Variants in MTUS1 observed in about 807,000 individuals in gnomAD.
MTUS1 encodes microtubule associated scaffold protein 1.
MTUS1 carries 109 observed loss-of-function variants against 120.8 expected under a neutral mutation model. The observed-to-expected ratio is 0.90, with a 90% CI of 0.77 to 1.06. The LOEUF (loss-of-function observed/expected upper bound fraction) is 1.06, where lower values mean the gene tolerates loss of function less well. Among genes scored for constraint, MTUS1 ranks in the 50% least tolerant of loss-of-function variants. The probability of loss-of-function intolerance (pLI) is 0.00; values close to 1 mark genes in which losing one functional copy is unlikely to be tolerated. For missense variants in MTUS1, 2,210 were observed against 1,486.3 expected (o/e 1.49, Z -8.01); for synonymous variants, 737 against 550.5 (o/e 1.34, Z -4.74).
rs1249796027 is a variant in MTUS1 at position 17,742,280 on chromosome 8, TTGTTGTTG to T, written c.2287+1316_2287+1323del. On this transcript the variant is annotated intron_variant, in intron 3 of 14. Coordinates refer to ENST00000693296, the MANE Select transcript of MTUS1 (RefSeq NM_001363059.2). ...TCTCATGCCCAGCTGTTTTTTTTTT[TTGTTGTTG>T]TTGTTTTTTTTTTTTTTTTTTTTAG... Among the ~76,000 whole-genome samples, 22 of 110,998 alleles carry T rather than the reference TTGTTGTTG, an allele frequency of 2.0e-4. 1 individual carries two copies. Among genetic ancestry groups the T allele is most frequent in the African/African-American group, 6.6e-4 (17 of 25,700 alleles). 72.8% of individuals were successfully genotyped at this position (110,998 alleles called of 152,430 possible).
intron 1 of MTUS1, among the ~76,000 whole-genome samples, chr8:17,770,827 G>T (rs1019184135): frequency 5.3e-5 from 8 of 152,094 alleles, no homozygotes; most frequent in African/African-American, 1.9e-4. Flanking sequence ...CAATAAAACT[G>T]TAAACAAACA....
intron 1 of MTUS1, among the ~76,000 whole-genome samples, chr8:17,786,356 A>G (rs1038064213): frequency 1.3e-5 from 2 of 152,114 alleles, no homozygotes; most frequent in East Asian, 1.9e-4. Flanking sequence ...CCATGATGCT[A>G]AAACCTCCTC....
intron 6 of MTUS1, chr8:17,705,977 G>C (rs544744069): frequency 6.6e-6 from 1 of 152,104 alleles, no homozygotes; most frequent in South Asian, 2.1e-4. Context: ...AGTAAGCCAA[G>C]ATTTTTTTTA....
At chr8:17,747,280 T>C (rs1179237342) in intron 2 of MTUS1, among the ~76,000 whole-genome samples, 1 of 152,196 alleles carries the variant, frequency 6.6e-6, no homozygotes, top group Non-Finnish European at 1.5e-5. Context: ...TTTCTTCAGC[T>C]TTGTACTCTA....
chr8:17,718,720 T>C (rs532116533), intron 4 of MTUS1, among the ~76,000 whole-genome samples: 1 of 152,108 alleles, frequency 6.6e-6, no homozygotes, highest in East Asian at 1.9e-4. Context: ...CTGTCTCAAT[T>C]ATGCCAGAAT....
In MTUS1 at chr8:17,755,058, C is replaced by A. The variant is rs1365066459; in HGVS notation, c.750G>T (p.Val250=). The change falls in exon 2 of 15, where the codon GTG becomes GTT. Residue 250 remains valine, a synonymous_variant. Transcript: ENST00000693296. Reference sequence around the variant, plus strand: ...CTGAAACAAAAACCTCACTTTGCATCACCACATCAGAAAATGCTGTGTAAG... The same window carrying A: ...CTGAAACAAAAACCTCACTTTGCATAACCACATCAGAAAATGCTGTGTAAG... ...DMTYTAFSDV[V]MQSEVFVSDI... The A allele has an allele frequency of 1.2e-6, 2 of 1,613,656 alleles. No individual in the cohort carries two copies. The highest frequency in any genetic ancestry group is 1.3e-5 in the African/African-American group (1 of 74,932).
chr8:17,775,415 GTATC>G (rs1332814770), intron 1 of MTUS1, among the ~76,000 whole-genome samples: 4 of 152,034 alleles, frequency 2.6e-5, no homozygotes, highest in African/African-American at 9.7e-5. Flanking sequence ...TGCATCATGA[GTATC>G]TGAGACCTCA....
Position 17,753,938 on chromosome 8 carries a change from C to G in MTUS1, c.1870G>C (p.Ala624Pro). ...GCAGAAACGGACCCGGTCTCGCATGCTGAGTTAGAAGAACTGGCTTTGTCA... is the reference window on the plus strand; with the variant it reads ...GCAGAAACGGACCCGGTCTCGCATGGTGAGTTAGAAGAACTGGCTTTGTCA... ...DVDKASSSNSACETGSVSALF... is the reference protein window; with the variant it reads ...DVDKASSSNSPCETGSVSALF... Residue 624 changes from alanine (A) to proline (P), a missense_variant, in exon 2 of 15, where the codon GCA becomes CCA. By Grantham distance (27) the Ala-to-Pro change is conservative (BLOSUM62 -1). Coordinates refer to ENST00000693296, the MANE Select transcript of MTUS1 (RefSeq NM_001363059.2). 1 of 1,614,132 alleles carries G rather than the reference C, an allele frequency of 6.2e-7. No homozygotes were observed. The highest frequency in any genetic ancestry group is 8.5e-7 in the Non-Finnish European group (1 of 1,180,028).
At chr8:17,791,532 G>A (rs2051783524) in intron 1 of MTUS1, among the ~76,000 whole-genome samples, 1 of 152,128 alleles carries the variant, frequency 6.6e-6, no homozygotes, top group African/African-American at 2.4e-5. Context: ...ATAGCAAAGA[G>A]GCAACATAAT....
At chr8:17,659,123 G>A (rs1809114233) in intron 8 of MTUS1, among the ~76,000 whole-genome samples, 1 of 152,124 alleles carries the variant, frequency 6.6e-6, no homozygotes, top group African/African-American at 2.4e-5. Flanking sequence ...CACAGAGCTG[G>A]CAAGCGTGAG....
At chr8:17,787,250 G>C (rs2051382876) in intron 1 of MTUS1, among the ~76,000 whole-genome samples, 1 of 152,162 alleles carries the variant, frequency 6.6e-6, no homozygotes, top group Non-Finnish European at 1.5e-5. Context: ...CGACATCAGT[G>C]CACAGCTCTT....
chr8:17,661,990 C>A (rs903547755), intron 8 of MTUS1, among the ~76,000 whole-genome samples: 6 of 152,034 alleles, frequency 3.9e-5, no homozygotes, highest in African/African-American at 9.7e-5. Flanking sequence ...AAAGGATGCA[C>A]ATGTAAACGC....
intron 4 of MTUS1, among the ~76,000 whole-genome samples, chr8:17,719,882 G>A (rs904887080): frequency 1.3e-5 from 2 of 152,170 alleles, no homozygotes; most frequent in Non-Finnish European, 2.9e-5. Context: ...ACACCATCCT[G>A]CCAAACAATG....
chr8:17,697,587 G>C (rs1818239975), intron 6 of MTUS1: 3 of 1,334,864 alleles, frequency 2.2e-6, no homozygotes, highest in Middle Eastern at 2.8e-4. Flanking sequence ...TTCACTTTCA[G>C]ATGTTGCCAA....
At chr8:17,715,537 A>G (rs910644786) in intron 5 of MTUS1, among the ~76,000 whole-genome samples, 28 of 152,316 alleles carry the variant, frequency 1.8e-4, no homozygotes, top group African/African-American at 6.3e-4. Context: ...TTTCTACCTT[A>G]TACCTTTGTT....
At chr8:17,648,619 A>G (rs537007073) in intron 13 of MTUS1, among the ~76,000 whole-genome samples, 3 of 152,310 alleles carry the variant, frequency 2.0e-5, no homozygotes, top group South Asian at 4.1e-4. Context: ...AAATTTCCTG[A>G]TAATTCAAAA....
At chr8:17,736,196 A>C (rs935280675) in intron 3 of MTUS1, among the ~76,000 whole-genome samples, 1 of 152,238 alleles carries the variant, frequency 6.6e-6, no homozygotes, top group Non-Finnish European at 1.5e-5. Context: ...AATTACTGCC[A>C]AGTAAGAATT....
At chr8:17,771,341 A>G (rs113141048) in intron 1 of MTUS1, among the ~76,000 whole-genome samples, 4,845 of 152,322 alleles carry the variant, frequency 0.032, 101 homozygotes, top group South Asian at 0.062. Context: ...TTATTTAAAT[A>G]TTTGTAATTA....
intron 8 of MTUS1, among the ~76,000 whole-genome samples, chr8:17,656,708 G>A (rs17125012): frequency 0.018 from 2,672 of 151,982 alleles, 67 homozygotes; most frequent in African/African-American, 0.06. Context: ...TAGGACAAGC[G>A]ACTCCTCCCT....
Sources: gnomAD v4.1 joint callset for allele counts (sites outside exome capture counted in the v4.1 genomes callset) on GRCh38, gnomAD v4.1.1 for gene constraint, MANE v1.5 for transcripts, NCBI Gene and HGNC (gene_info 2026-07-23, HGNC 2026-07-21) for gene names.